GPR161: variants seen among roughly 807,000 people sequenced by gnomAD.
GPR161 encodes the protein G-protein coupled receptor RE2.
In GPR161, 25 loss-of-function variants were observed where a neutral mutation model predicts 39.2. That is an observed-to-expected ratio of 0.64 (90% CI 0.47 to 0.89). The LOEUF is 0.89. GPR161 is among the 40% of genes least tolerant of loss of function. The pLI, the probability that GPR161 is intolerant of heterozygous loss-of-function variation, is 0.00. For synonymous variants in GPR161, 286 were observed against 276.6 expected, an observed-to-expected ratio of 1.03 and a Z score of -0.34; for missense variants, 547 against 677.8, an observed-to-expected ratio of 0.81 and a Z score of 2.14.
intron 4 of GPR161, 89 bp downstream of exon 4, chr1:168,090,475 T>C (rs1409898358): frequency 1.2e-5 from 8 of 690,180 alleles, no homozygotes; most frequent in Non-Finnish European, 2.0e-5. Flanking sequence ...CCGCCAGCTC[T>C]TGAGCCTGCA....
intron 1 of GPR161, among the ~76,000 whole-genome samples, chr1:168,132,326 G>A (rs552805111): frequency 6.6e-6 from 1 of 151,702 alleles, no homozygotes; most frequent in African/African-American, 2.4e-5. Context: ...TGTGGCTCTC[G>A]CCTGTAATCC....
intron 1 of GPR161, among the ~76,000 whole-genome samples, chr1:168,120,345 T>G (rs1468289712): frequency 2.0e-5 from 3 of 152,170 alleles, no homozygotes; most frequent in Non-Finnish European, 4.4e-5. Context: ...TTGGCCAATT[T>G]CTCCCATTTG....
intron 2 of GPR161, among the ~76,000 whole-genome samples, chr1:168,101,920 C>T (rs946152843): frequency 9.9e-5 from 15 of 152,208 alleles, no homozygotes; most frequent in African/African-American, 2.4e-4. Context: ...GATTCTGCCT[C>T]AGCCTCCCAA....
chr1:168,096,835 C>T lies in GPR161; in HGVS notation c.772G>A (p.Gly258Ser). The change falls in exon 3 of 6, where the codon GGT becomes AGT. Residue 258 changes from glycine to serine, a missense_variant. Coordinates refer to ENST00000682931, the MANE Select transcript of GPR161 (RefSeq NM_001375883.1). ...CACTGGTTGGCCGAGTAGACCACAC[C>T]CTGAAAGGCATTCCTCCTGCTGCCT... Reference protein sequence around the residue: ...SSGSRRNAFQGVVYSANQCKA... With the variant: ...SSGSRRNAFQSVVYSANQCKA... The T allele has an allele frequency of 6.2e-7, 1 of 1,614,130 alleles. No individual in the cohort carries two copies. Among genetic ancestry groups the T allele is most frequent in the East Asian group, 2.2e-5 (1 of 44,868 alleles).
At chr1:168,119,582 A>C (rs1697989523) in intron 1 of GPR161, among the ~76,000 whole-genome samples, 1 of 152,102 alleles carries the variant, frequency 6.6e-6, no homozygotes, top group African/African-American at 2.4e-5. Flanking sequence ...GATGGTGGTG[A>C]TGGCTGCACG....
At position 168,102,820 on chromosome 1, in the gene GPR161, T is replaced by C. The variant is rs1403810916; in HGVS notation, c.374+1657A>G. 2.7e-5 allele frequency among the ~76,000 whole-genome samples: 4 copies of C among 147,580 alleles called. No homozygotes were observed. The East Asian group carries it at 7.8e-4, about 29-fold the overall frequency. On this transcript the variant is annotated intron_variant, in intron 2 of 5. Transcript: ENST00000682931. ...ACGGGACCCAGGGCCCAGAAAGGGA[T>C]GTTCAAAACTTAATAATTCAAAAAA... is the stretch of plus-strand genomic sequence containing the variant.
chr1:168,121,897 C>G (rs1389896958), intron 1 of GPR161, among the ~76,000 whole-genome samples: 1 of 152,206 alleles, frequency 6.6e-6, no homozygotes, highest in Non-Finnish European at 1.5e-5. Flanking sequence ...GGGCTCCCAG[C>G]AAATCCCTAA....
chr1:168,137,057 C>T, upstream of GPR161: 2 of 870,604 alleles, frequency 2.3e-6, no homozygotes, highest in South Asian at 4.8e-5. Flanking sequence ...CGGCGCCCCT[C>T]CCCACCCGCG....
rs968044166 is a variant in GPR161, at chr1:168,115,847, C to T, written c.-44-10953G>A. 1.8e-4 allele frequency among the ~76,000 whole-genome samples: 27 copies of T among 151,946 alleles called. No individual in the cohort carries two copies. In the East Asian group the frequency reaches 5.0e-3, roughly 28 times the overall value. On this transcript the variant is annotated intron_variant, in intron 1 of 5. Coordinates refer to ENST00000682931, the MANE Select transcript of GPR161 (RefSeq NM_001375883.1). ...CTGGAGTGCAGTGGCGCGATCTCGG[C>T]TCACTGCAAGCTCCACCTCCCGGGT...
intron 1 of GPR161, among the ~76,000 whole-genome samples, chr1:168,130,267 T>G (rs1295707628): frequency 1.3e-5 from 2 of 152,190 alleles, no homozygotes; most frequent in Non-Finnish European, 2.9e-5. Context: ...TCCATGTGGC[T>G]TCATGGATGT....
At chr1:168,119,493 G>A (rs1284940321) in intron 1 of GPR161, among the ~76,000 whole-genome samples, 1 of 151,798 alleles carries the variant, frequency 6.6e-6, no homozygotes, top group Non-Finnish European at 1.5e-5. Context: ...GTGGTTGCCA[G>A]GAGCTGGATG....
chr1:168,128,796 A>T (rs1698776903), intron 1 of GPR161, among the ~76,000 whole-genome samples: 1 of 152,240 alleles, frequency 6.6e-6, no homozygotes. Flanking sequence ...TGAAAGGAGT[A>T]CATTTTTTTC....
At chr1:168,129,122 A>C (rs1698805542) in intron 1 of GPR161, among the ~76,000 whole-genome samples, 1 of 152,338 alleles carries the variant, frequency 6.6e-6, no homozygotes, top group Middle Eastern at 3.4e-3. Flanking sequence ...ACTGTAAAGA[A>C]AGATCAAACA....
Position 168,096,599 on chromosome 1 carries a change from C to A in GPR161, c.1008G>T (p.Leu336=). The A allele has an allele frequency of 6.2e-7, 1 of 1,614,198 alleles. No homozygotes were observed. The highest frequency in any genetic ancestry group is 8.5e-7 in the Non-Finnish European group (1 of 1,179,996). Residue 336 remains leucine (L), a synonymous_variant, in exon 3 of 6, where the codon CTG becomes CTT. Coordinates refer to ENST00000682931, the MANE Select transcript of GPR161 (RefSeq NM_001375883.1). ...LWNKTVRKEL[L]GMCFGDRYYR... The stretch of plus-strand genomic sequence containing the variant: ...AATACCGGTCCCCAAAGCACATGCC[C>A]AGTAGTTCTTTGCGAACTGTCTTGT...
intron 1 of GPR161, among the ~76,000 whole-genome samples, chr1:168,135,199 G>A (rs923521858): frequency 6.6e-6 from 1 of 152,176 alleles, no homozygotes; most frequent in African/African-American, 2.4e-5. Flanking sequence ...TGTGCCATCA[G>A]GAAACCACGT....
chr1:168,110,637 A>G (rs1187863714), intron 1 of GPR161, among the ~76,000 whole-genome samples: 3 of 151,582 alleles, frequency 2.0e-5, no homozygotes, highest in Admixed American at 6.6e-5. Flanking sequence ...TTTAAAAAGA[A>G]AAGAAGCCGG....
intron 2 of GPR161, among the ~76,000 whole-genome samples, chr1:168,102,383 G>A (rs774357203): frequency 9.2e-5 from 14 of 152,234 alleles, no homozygotes; most frequent in Admixed American, 3.9e-4. Flanking sequence ...GTGTTAAATC[G>A]GCGCCCACAA....
At position 168,104,944 on chromosome 1, in the gene GPR161, C is replaced by T. The variant is rs778570070; in HGVS notation, c.-44-50G>A. 3.5e-6 allele frequency: 5 copies of T among 1,419,198 alleles called. No homozygotes were observed. The Admixed American group carries it at 7.3e-5, about 21-fold the overall frequency. 87.9% of individuals were successfully genotyped at this position (1,419,198 alleles called of 1,614,324 possible). A position where few individuals can be genotyped will look rare whatever the true frequency, so the allele number is the denominator to read the frequency against. Reference sequence around the variant, plus strand: ...GGACAGGAAAAGATTCATCAAATCACATCGTCTCCACCTTAGGGAAGAAAG... The same window carrying T: ...GGACAGGAAAAGATTCATCAAATCATATCGTCTCCACCTTAGGGAAGAAAG... On this transcript the variant is annotated intron_variant, in intron 1 of 5. Coordinates refer to ENST00000682931, the MANE Select transcript of GPR161 (RefSeq NM_001375883.1).
intron 5 of GPR161, among the ~76,000 whole-genome samples, chr1:168,086,553 A>G (rs1694513201): frequency 6.6e-6 from 1 of 152,110 alleles, no homozygotes; most frequent in South Asian, 2.1e-4. Context: ...CCACTCACTC[A>G]TGGCAGGGGA....
Sources: allele counts gnomAD v4.1 joint callset (sites outside exome capture counted in the v4.1 genomes callset), GRCh38; gene constraint gnomAD v4.1.1; transcripts MANE v1.5; gene names NCBI Gene and HGNC (gene_info 2026-07-23, HGNC 2026-07-21).